Variants in IL1RAPL2 observed in about 807,000 individuals in gnomAD.
The protein encoded by IL1RAPL2 is X-linked interleukin-1 receptor accessory protein-like 2.
A neutral mutation model predicts 44.1 loss-of-function variants in IL1RAPL2; 3 were observed. The ratio of observed to expected loss-of-function variants is 0.07; its 90% confidence interval spans 0.03 to 0.18. IL1RAPL2 has a LOEUF of 0.18. Ranked by LOEUF, IL1RAPL2 falls within the 10% of genes least tolerant of loss-of-function variation. The probability of loss-of-function intolerance (pLI) is 1.00; values close to 1 mark genes in which losing one functional copy is unlikely to be tolerated. For missense variants in IL1RAPL2, 391 were observed against 496.4 expected (o/e 0.79, Z 2.02); for synonymous variants, 181 against 178.8 (o/e 1.01, Z -0.10).
intron 6 of IL1RAPL2, among the ~76,000 whole-genome samples, chrX:105,703,349 A>ATATT (rs2038136340): frequency 9.0e-6 from 1 of 111,351 alleles, no homozygotes; most frequent in African/African-American, 3.3e-5. Flanking sequence ...GGACCTTTTC[A>ATATT]TATTTTGAAG....
chrX:105,454,254 C>G (rs2036039855), intron 5 of IL1RAPL2, among the ~76,000 whole-genome samples: 1 of 111,817 alleles, frequency 8.9e-6, no homozygotes, highest in Non-Finnish European at 1.9e-5. Context: ...GTTAATGCAG[C>G]TGTATTGCTC....
chrX:105,206,271 T>G (rs1262265560), intron 3 of IL1RAPL2, among the ~76,000 whole-genome samples: 1 of 111,782 alleles, frequency 8.9e-6, no homozygotes, highest in Non-Finnish European at 1.9e-5. Flanking sequence ...AGCTATAATT[T>G]TTTAGCTTTT....
chrX:104,960,985 C>T (rs1361130751), intron 2 of IL1RAPL2, among the ~76,000 whole-genome samples: 2 of 111,516 alleles, frequency 1.8e-5, no homozygotes, highest in Non-Finnish European at 3.8e-5. Flanking sequence ...AGAAAGCATA[C>T]ACAAATTAAA....
At chrX:105,145,248 T>C (rs916708026) in intron 2 of IL1RAPL2, among the ~76,000 whole-genome samples, 6 of 111,971 alleles carry the variant, frequency 5.4e-5, no homozygotes, top group Admixed American at 1.9e-4. Flanking sequence ...ATAGAGCATG[T>C]AAAATTTCAT....
At chrX:105,393,202 G>T (rs1387369688) in intron 5 of IL1RAPL2, among the ~76,000 whole-genome samples, 1 of 110,493 alleles carries the variant, frequency 9.1e-6, no homozygotes, top group African/African-American at 3.3e-5. Flanking sequence ...GCTGCTGATT[G>T]GTTGGGAATG....
chrX:105,767,611 T>C lies in IL1RAPL2; in HGVS notation c.2011T>C (p.Leu671=), dbSNP rs1309338998. 4.1e-6 allele frequency: 5 copies of C among 1,209,332 alleles called. No individual in the cohort carries two copies. In the Admixed American group the frequency reaches 1.1e-4, roughly 26 times the overall value. ...CCAGGAATTTCACAGGAACAGTTCT[T>C]TGCTGCCTTTATCCTCCAAAGAGCT... is the stretch of plus-strand genomic sequence containing the variant. The part of the protein sequence containing the change: ...DTQEFHRNSS[L]LPLSSKELSF... The change falls in exon 11 of 11, where the codon TTG becomes CTG. Residue 671 remains leucine (L), a synonymous_variant. Coordinates refer to ENST00000372582, the MANE Select transcript of IL1RAPL2 (RefSeq NM_017416.2).
chrX:105,081,519 A>G (rs1000739165), intron 2 of IL1RAPL2, among the ~76,000 whole-genome samples: 2 of 111,727 alleles, frequency 1.8e-5, no homozygotes, highest in African/African-American at 3.3e-5. Flanking sequence ...GCGAAGGTCT[A>G]TTGAATAATT....
At chrX:104,983,555 CATATTAT>C (rs1240382068) in intron 2 of IL1RAPL2, among the ~76,000 whole-genome samples, 2 of 89,605 alleles carry the variant, frequency 2.2e-5, no homozygotes, top group African/African-American at 8.4e-5. Flanking sequence ...ATATTATAGA[CATATTAT>C]ATATTATATT....
At chrX:105,264,064 C>T (rs1379221717) in intron 4 of IL1RAPL2, among the ~76,000 whole-genome samples, 1 of 111,155 alleles carries the variant, frequency 9.0e-6, no homozygotes, top group Non-Finnish European at 1.9e-5. Flanking sequence ...TGTGTCTGTA[C>T]TCAGATCTCA....
At chrX:105,265,644 A>G (rs2034396109) in intron 4 of IL1RAPL2, among the ~76,000 whole-genome samples, 1 of 111,723 alleles carries the variant, frequency 9.0e-6, no homozygotes, top group African/African-American at 3.3e-5. Flanking sequence ...TGTATTGAAC[A>G]TAAAGCAAGC....
At chrX:104,896,497 G>A (rs7063072) in intron 2 of IL1RAPL2, among the ~76,000 whole-genome samples, 5,943 of 111,453 alleles carry the variant, frequency 0.053, 416 homozygotes, top group African/African-American at 0.19. Context: ...GGGAGATTGA[G>A]AGTTCAAGGC....
In IL1RAPL2 at chrX:105,381,444, C is replaced by T. The variant is rs1026784351; in HGVS notation, c.698-102869C>T. Among the ~76,000 whole-genome samples the T allele has an allele frequency of 3.6e-5, 4 of 111,509 alleles. No homozygotes were observed. In the East Asian group the frequency reaches 1.1e-3, roughly 32 times the overall value. On this transcript the variant is annotated intron_variant, in intron 5 of 10. Coordinates refer to ENST00000372582, the MANE Select transcript of IL1RAPL2 (RefSeq NM_017416.2). Reference sequence around the variant, plus strand: ...AAACCAAAGACAGAGAGGCAAAATACATTCATGTGGATAAAGTAAAATGTA... The same window carrying T: ...AAACCAAAGACAGAGAGGCAAAATATATTCATGTGGATAAAGTAAAATGTA...
At chrX:105,395,997 G>A (rs955661212) in intron 5 of IL1RAPL2, among the ~76,000 whole-genome samples, 3 of 111,739 alleles carry the variant, frequency 2.7e-5, no homozygotes, top group Non-Finnish European at 5.6e-5. Context: ...GCAATGAGGA[G>A]TCATTGAGAG....
rs185051128 is a variant in IL1RAPL2, at chrX:105,050,987, G to A, written c.83-144488G>A. On this transcript the variant is annotated intron_variant, in intron 2 of 10. Coordinates refer to ENST00000372582, the MANE Select transcript of IL1RAPL2 (RefSeq NM_017416.2). ...CAAGTTGGGTGCTTTTACGGACCTCGGAGGAGAGGAAGTGCGTGCTGATTG... is the reference window on the plus strand; with the variant it reads ...CAAGTTGGGTGCTTTTACGGACCTCAGAGGAGAGGAAGTGCGTGCTGATTG... Among the ~76,000 whole-genome samples the A allele has an allele frequency of 5.3e-5, 6 of 112,369 alleles. No individual in the cohort carries two copies. In the East Asian group the frequency reaches 8.5e-4, roughly 16 times the overall value.
chrX:105,279,625 G>A (rs867289830), intron 5 of IL1RAPL2, among the ~76,000 whole-genome samples: 91 of 111,013 alleles, frequency 8.2e-4, no homozygotes, highest in African/African-American at 2.8e-3. Flanking sequence ...GACTACAGGC[G>A]TGCACCACCA....
chrX:105,396,833 T>C (rs949545489), intron 5 of IL1RAPL2, among the ~76,000 whole-genome samples: 10 of 110,677 alleles, frequency 9.0e-5, no homozygotes, highest in African/African-American at 3.0e-4. Context: ...TAATTAGTTA[T>C]ATTAGTTAGT....
chrX:104,784,864 G>T (rs1932790578), intron 2 of IL1RAPL2, among the ~76,000 whole-genome samples: 1 of 109,979 alleles, frequency 9.1e-6, no homozygotes, highest in East Asian at 2.8e-4. Context: ...CAGAGCAGAG[G>T]CAGGAGAAGA....
At chrX:104,598,070 A>G (rs1366600170) in intron 1 of IL1RAPL2, among the ~76,000 whole-genome samples, 1 of 112,128 alleles carries the variant, frequency 8.9e-6, no homozygotes, top group Admixed American at 9.5e-5. Context: ...ATGTCAACCA[A>G]TGGCTGTCCT....
At chrX:104,633,484 G>T (rs1437737008) in intron 1 of IL1RAPL2, among the ~76,000 whole-genome samples, 1 of 111,511 alleles carries the variant, frequency 9.0e-6, no homozygotes, top group Non-Finnish European at 1.9e-5. Context: ...ACTTTTTTTG[G>T]TTGGTAAGCT....
Sources: gnomAD v4.1 joint callset for allele counts (sites outside exome capture counted in the v4.1 genomes callset) on GRCh38, gnomAD v4.1.1 for gene constraint, MANE v1.5 for transcripts, NCBI Gene and HGNC (gene_info 2026-07-23, HGNC 2026-07-21) for gene names.